The following POGLUT3 variants were observed in gnomAD, a reference collection of about 807,000 sequenced individuals.
The protein encoded by POGLUT3 is protein O-glucosyltransferase 3.
In POGLUT3, 48 loss-of-function variants were observed where a neutral mutation model predicts 54.3. The observed-to-expected ratio is 0.88, with a 90% CI of 0.70 to 1.12. The LOEUF (loss-of-function observed/expected upper bound fraction) is 1.12. POGLUT3 is among the 50% of genes most tolerant of loss of function. POGLUT3 has a pLI of 0.00. For synonymous variants in POGLUT3, 218 were observed against 237.4 expected, an observed-to-expected ratio of 0.92 and a Z score of 0.75; for missense variants, 629 against 618.7, an observed-to-expected ratio of 1.02 and a Z score of -0.18.
At chr11:108,475,024 C>A in intron 7 of POGLUT3, 72 bp from the exon 8 acceptor site, 1 of 1,492,928 alleles carries the variant, frequency 6.7e-7, no homozygotes, top group South Asian at 1.2e-5. Context: ...CACCCACTCC[C>A]ATCCGCAGTC....
intron 4 of POGLUT3, 147 bp downstream of exon 4, chr11:108,481,859 A>T: frequency 1.7e-6 from 1 of 591,098 alleles, no homozygotes; most frequent in Non-Finnish European, 2.9e-6. Context: ...TAACTGAGGA[A>T]CATCCACAAA....
At chr11:108,480,149 T>C (rs1408232432) in intron 5 of POGLUT3, among the ~76,000 whole-genome samples, 1 of 152,252 alleles carries the variant, frequency 6.6e-6, no homozygotes, top group African/African-American at 2.4e-5. Context: ...AAAACTATTT[T>C]CAAAATTCTT....
At chr11:108,484,408 A>G (rs1197327208) in intron 3 of POGLUT3, among the ~76,000 whole-genome samples, 1 of 152,206 alleles carries the variant, frequency 6.6e-6, no homozygotes, top group African/African-American at 2.4e-5. Context: ...AACTGACTGC[A>G]GCCACACAGT....
At chr11:108,484,295 C>T (rs1213129276) in intron 3 of POGLUT3, among the ~76,000 whole-genome samples, 1 of 152,044 alleles carries the variant, frequency 6.6e-6, no homozygotes, top group African/African-American at 2.4e-5. Flanking sequence ...AGTTGTAGCC[C>T]GGGAAGAGAG....
At chr11:108,497,783 G>A (rs2093624778) in intron 1 of POGLUT3, among the ~76,000 whole-genome samples, 1 of 152,244 alleles carries the variant, frequency 6.6e-6, no homozygotes, top group East Asian at 1.9e-4. Context: ...GACGCGATCC[G>A]TCGGCTTGAT....
At chr11:108,477,422 C>CA (rs923688374) in intron 7 of POGLUT3, among the ~76,000 whole-genome samples, 185 bp downstream of exon 7, 5 of 151,098 alleles carry the variant, frequency 3.3e-5, no homozygotes. Context: ...AAACAAAAAA[C>CA]AAAAAAAAGG....
rs760817069 is a variant in POGLUT3 at position 108,474,830 on chromosome 11, A to C, written c.1521T>G (p.Leu507=). 6.2e-7 allele frequency: 1 copy of C among 1,614,038 alleles called. No homozygotes were observed. The highest frequency in any genetic ancestry group is 8.5e-7 in the Non-Finnish European group (1 of 1,179,966). The part of the protein sequence containing the change: ...CHRKKPSREE[L] ...AGGAGTGTGATTCTGGGCTGACTCA[A>C]AGTTCTTCTCTTGAAGGCTTTTTCC... Residue 507 remains leucine (L), a synonymous_variant, in exon 8 of 8, where the codon CTT becomes CTG. Transcript: ENST00000323468.
intron 1 of POGLUT3, among the ~76,000 whole-genome samples, chr11:108,497,463 T>C (rs2093624169): frequency 6.6e-6 from 1 of 152,166 alleles, no homozygotes; most frequent in Admixed American, 6.5e-5. Flanking sequence ...TAGCAAATCC[T>C]GACTGACAAC....
chr11:108,494,971 C>A (rs1260667236), intron 1 of POGLUT3, among the ~76,000 whole-genome samples: 1 of 152,044 alleles, frequency 6.6e-6, no homozygotes, highest in African/African-American at 2.4e-5. Context: ...ACAGTTCTTC[C>A]CCCCACCCAA....
At position 108,491,146 on chromosome 11, in the gene POGLUT3, A is replaced by G. The variant is rs759125054; in HGVS notation, c.224T>C (p.Val75Ala). The part of the protein sequence containing the change: ...SPAGETPFKV[V>A]VKSLSPKELV... ...CTCTTTAGGTGAAAGAGATTTGACT[A>G]CGACTTTGAATGGTGTTTCACCTAA... The change falls in exon 2 of 8, where the codon GTA becomes GCA. Residue 75 changes from valine to alanine, a missense_variant. Coordinates refer to ENST00000323468, the MANE Select transcript of POGLUT3 (RefSeq NM_153705.5). 6 of 1,613,680 alleles carry G rather than the reference A, an allele frequency of 3.7e-6. No homozygotes were observed. The highest frequency in any genetic ancestry group is 3.3e-5 in the Admixed American group (2 of 60,018).
At chr11:108,486,703 A>G in intron 2 of POGLUT3, 1 of 420,488 alleles carries the variant, frequency 2.4e-6, no homozygotes, top group South Asian at 5.6e-5. Context: ...ATCTCTAATA[A>G]GGTATAAATG....
rs1317880840 is a variant in POGLUT3 at position 108,482,042 on chromosome 11, C to T, written c.865G>A (p.Val289Ile). Residue 289 changes from valine (V) to isoleucine (I), a missense_variant, in exon 4 of 8, where the codon GTT becomes ATT. Val to Ile is a conservative substitution (Grantham distance 29). Coordinates refer to ENST00000323468, the MANE Select transcript of POGLUT3 (RefSeq NM_153705.5). Reference sequence around the variant, plus strand: ...TGAATAGAGAGGAGATCATTTGTAACACCCCGCATGGCTTCAAGCATGGAG... The same window carrying T: ...TGAATAGAGAGGAGATCATTTGTAATACCCCGCATGGCTTCAAGCATGGAG... ...THSMLEAMRG[V>I]TNDLLSIQGN... 2 of 1,614,016 alleles carry T rather than the reference C, an allele frequency of 1.2e-6. No individual in the cohort carries two copies. Among genetic ancestry groups the T allele is most frequent in the South Asian group, 1.1e-5 (1 of 91,078 alleles).
chr11:108,474,704 T>A lies in POGLUT3; in HGVS notation c.*123A>T. 9.1e-7 allele frequency: 1 copy of A among 1,101,826 alleles called. No individual in the cohort carries two copies. Among genetic ancestry groups the A allele is most frequent in the Admixed American group, 2.3e-5 (1 of 44,370 alleles). The allele number at this position is 1,101,826 out of a possible 1,614,324, so 68.3% of individuals were successfully genotyped here. A position where few individuals can be genotyped will look rare whatever the true frequency, so the allele number is the denominator to read the frequency against. On this transcript the variant is annotated 3_prime_UTR_variant, in exon 8 of 8. Transcript: ENST00000323468. ...ACCAGTACTGCTATATCCATCTACA[T>A]ATATAAAGCCACCGGGAGAACTAGT...
At chr11:108,489,772 G>A in intron 2 of POGLUT3, among the ~76,000 whole-genome samples, 1 of 152,216 alleles carries the variant, frequency 6.6e-6, no homozygotes, top group Non-Finnish European at 1.5e-5. Context: ...AAAATGTTTT[G>A]TAGAAACAAA....
At position 108,479,337 on chromosome 11, in the gene POGLUT3, A is replaced by T; in HGVS notation, c.1257T>A (p.Asn419Lys). ...PWKHYVPIKRNLSDLLEKVKW... is the reference protein window; with the variant it reads ...PWKHYVPIKRKLSDLLEKVKW... ...TAACTTTCTCTAATAAATCACTCAG[A>T]TTTCTTTTAATTGGAACATAATGCT... Residue 419 changes from asparagine to lysine, a missense_variant, in exon 6 of 8, where the codon AAT becomes AAA. Asn to Lys is a moderately conservative substitution (Grantham distance 94). Transcript: ENST00000323468. The T allele has an allele frequency of 6.2e-7, 1 of 1,611,392 alleles. No homozygotes were observed. Among genetic ancestry groups the T allele is most frequent in the Non-Finnish European group, 8.5e-7 (1 of 1,179,548 alleles).
intron 2 of POGLUT3, among the ~76,000 whole-genome samples, chr11:108,488,795 G>T (rs76355176): frequency 5.9e-5 from 9 of 152,270 alleles, no homozygotes; most frequent in African/African-American, 1.9e-4. Context: ...TTTGCCACCT[G>T]AGTGTTCATA....
chr11:108,479,120 A>G (rs2135847391), intron 6 of POGLUT3, among the ~76,000 whole-genome samples, 181 bp downstream of exon 6: 1 of 152,328 alleles, frequency 6.6e-6, no homozygotes, highest in East Asian at 1.9e-4. Context: ...AAAAATGTTG[A>G]TAGAGGGTAT....
At chr11:108,496,595 T>G (rs887240897) in intron 1 of POGLUT3, among the ~76,000 whole-genome samples, 6 of 152,216 alleles carry the variant, frequency 3.9e-5, no homozygotes, top group African/African-American at 1.4e-4. Flanking sequence ...AGAGTCGGAA[T>G]TATTTTACCT....
chr11:108,474,961 T>A lies in POGLUT3; in HGVS notation c.1399-9A>T, dbSNP rs745379703. The A allele has an allele frequency of 1.9e-6, 3 of 1,613,656 alleles. No individual in the cohort carries two copies. Among genetic ancestry groups the A allele is most frequent in the Non-Finnish European group, 2.5e-6 (3 of 1,179,858 alleles). ...TGGCGCTCGGCATATTTCTGAAACG[T>A]GGGTTTAAAGGGAACTGAAAGGTTA... On this transcript the variant is annotated splice_polypyrimidine_tract_variant and intron_variant, in intron 7 of 7. Transcript: ENST00000323468.
Sources: allele counts gnomAD v4.1 joint callset (sites outside exome capture counted in the v4.1 genomes callset), GRCh38; gene constraint gnomAD v4.1.1; transcripts MANE v1.5; gene names NCBI Gene and HGNC (gene_info 2026-07-23, HGNC 2026-07-21).